The following BICD1 variants were observed in gnomAD, a reference collection of about 807,000 sequenced individuals.
BICD1 encodes the protein protein bicaudal D homolog 1.
In BICD1, 35 loss-of-function variants were observed where a neutral mutation model predicts 92.5. That is an observed-to-expected ratio of 0.38 (90% confidence interval 0.29 to 0.50). The LOEUF (loss-of-function observed/expected upper bound fraction) is 0.50, where lower values mean the gene tolerates loss of function less well. Among genes scored for constraint, BICD1 ranks in the 20% least tolerant of loss-of-function variants. The pLI, the probability that BICD1 is intolerant of heterozygous loss-of-function variation, is 0.93. For synonymous variants in BICD1, 429 were observed against 465.1 expected (o/e 0.92, Z 1.00); for missense variants, 950 against 1,189.8 (o/e 0.80, Z 2.97).
chr12:32,233,293 G>C (rs1277304503), intron 2 of BICD1, among the ~76,000 whole-genome samples: 1 of 132,922 alleles, frequency 7.5e-6, no homozygotes, highest in Non-Finnish European at 1.6e-5. Flanking sequence ...TTGCACTCCA[G>C]CCTGGATGAC....
At chr12:32,197,420 T>G (rs898115503) in intron 1 of BICD1, among the ~76,000 whole-genome samples, 1 of 152,220 alleles carries the variant, frequency 6.6e-6, no homozygotes, top group African/African-American at 2.4e-5. Context: ...TATTTGGGCC[T>G]GTGGAAGATA....
chr12:32,318,425 C>T (rs1390969450), intron 4 of BICD1, among the ~76,000 whole-genome samples: 1 of 152,092 alleles, frequency 6.6e-6, no homozygotes, highest in African/African-American at 2.4e-5. Context: ...AGAGGTCCTT[C>T]ACATCCCTTG....
intron 1 of BICD1, among the ~76,000 whole-genome samples, chr12:32,111,515 C>T (rs1412883851): frequency 6.6e-6 from 1 of 152,164 alleles, no homozygotes; most frequent in Admixed American, 6.5e-5. Flanking sequence ...ATTTCTTTTC[C>T]AATCTATGAA....
intron 2 of BICD1, among the ~76,000 whole-genome samples, chr12:32,239,188 A>G (rs1946162353): frequency 6.8e-6 from 1 of 147,162 alleles, no homozygotes; most frequent in Admixed American, 6.9e-5. Context: ...CGGAGGTTGC[A>G]GTGAGTCAAG....
chr12:32,302,179 C>A (rs190684515), intron 3 of BICD1, among the ~76,000 whole-genome samples: 13 of 152,324 alleles, frequency 8.5e-5, no homozygotes, highest in African/African-American at 3.1e-4. Context: ...AGCCACTGAG[C>A]CCAGCCCGAA....
At chr12:32,302,622 C>T (rs1206357877) in intron 3 of BICD1, among the ~76,000 whole-genome samples, 3 of 152,146 alleles carry the variant, frequency 2.0e-5, no homozygotes, top group African/African-American at 7.2e-5. Flanking sequence ...CAATTTTTCT[C>T]CCATGAAGTA....
intron 2 of BICD1, among the ~76,000 whole-genome samples, chr12:32,238,698 A>C (rs906506686): frequency 6.6e-6 from 1 of 151,952 alleles, no homozygotes; most frequent in Non-Finnish European, 1.5e-5. Context: ...TAATCCCAGC[A>C]CTTTGGGAGG....
chr12:32,376,851 C>T (rs1422979576), intron 9 of BICD1, among the ~76,000 whole-genome samples: 4 of 112,756 alleles, frequency 3.5e-5, no homozygotes, highest in South Asian at 6.2e-4. Context: ...CTGGGCAAAA[C>T]AACGAGACTC....
intron 8 of BICD1, among the ~76,000 whole-genome samples, chr12:32,344,326 G>A (rs1938489142): frequency 1.3e-5 from 2 of 152,168 alleles, no homozygotes; most frequent in Admixed American, 6.6e-5. Context: ...ACCTGGTGCA[G>A]GACTTCGAAG....
At chr12:32,323,670 A>G (rs1948708583) in intron 4 of BICD1, among the ~76,000 whole-genome samples, 1 of 152,222 alleles carries the variant, frequency 6.6e-6, no homozygotes, top group South Asian at 2.1e-4. Context: ...CAGAGCTACA[A>G]CTTAAAAGCC....
At chr12:32,348,772 A>ATATG (rs1938745814) in intron 8 of BICD1, among the ~76,000 whole-genome samples, 3 of 52,730 alleles carry the variant, frequency 5.7e-5, no homozygotes, top group African/African-American at 2.7e-4. Context: ...ATATATATAT[A>ATATG]TATATATCAG....
chr12:32,234,860 T>A (rs76997309), intron 2 of BICD1, among the ~76,000 whole-genome samples: 17,969 of 151,636 alleles, frequency 0.12, 1,693 homozygotes, highest in African/African-American at 0.26. Context: ...AATTTTTATA[T>A]TTTTTGTAGA....
At chr12:32,221,467 A>G (rs1283787896) in intron 2 of BICD1, among the ~76,000 whole-genome samples, 1 of 151,726 alleles carries the variant, frequency 6.6e-6, no homozygotes, top group Admixed American at 6.6e-5. Flanking sequence ...CTGGATCACA[A>G]GGTCGTGAGT....
intron 2 of BICD1, among the ~76,000 whole-genome samples, chr12:32,288,220 CTAA>C (rs1324593114): frequency 7.3e-6 from 1 of 136,160 alleles, no homozygotes. Flanking sequence ...CTACCAAGTC[CTAA>C]TTTTTTTTTT....
rs1242718491 is a variant in BICD1, at chr12:32,106,893, G to A, written c.-439G>A. ...CAGGGCCAGAGGGAGCAGGTGGAGC[G>A]AGAGAGCGAGCCGCGAGCCGGAGCG... On this transcript the variant is annotated 5_prime_UTR_variant, in exon 1 of 10. Coordinates refer to ENST00000652176, the MANE Select transcript of BICD1 (RefSeq NM_001714.4). 1 of 175,394 alleles carries A rather than the reference G, an allele frequency of 5.7e-6. No homozygotes were observed. The highest frequency in any genetic ancestry group is 5.9e-5 in the Admixed American group (1 of 17,074). The allele number at this position is 175,394 out of a possible 1,614,324, so 10.9% of individuals were successfully genotyped here.
At chr12:32,231,898 C>A (rs1451058045) in intron 2 of BICD1, among the ~76,000 whole-genome samples, 1 of 151,856 alleles carries the variant, frequency 6.6e-6, no homozygotes, top group Non-Finnish European at 1.5e-5. Context: ...TCATCCATGT[C>A]CCTACAAAGG....
chr12:32,209,523 T>C (rs146307912), intron 1 of BICD1, among the ~76,000 whole-genome samples: 202 of 152,316 alleles, frequency 1.3e-3, no homozygotes, highest in Non-Finnish European at 1.5e-3. Flanking sequence ...TTGGGGAGGA[T>C]AGGGTACCAT....
chr12:32,255,689 T>C (rs931352340), intron 2 of BICD1, among the ~76,000 whole-genome samples: 1 of 152,216 alleles, frequency 6.6e-6, no homozygotes, highest in Non-Finnish European at 1.5e-5. Flanking sequence ...TTAGGGCCTT[T>C]GCTCTGGCTG....
intron 1 of BICD1, among the ~76,000 whole-genome samples, chr12:32,206,245 T>G (rs142690825): frequency 6.6e-6 from 1 of 152,220 alleles, no homozygotes; most frequent in African/African-American, 2.4e-5. Flanking sequence ...GGTAGGAATA[T>G]GCATATAGTA....
Sources: gnomAD v4.1 joint callset for allele counts (sites outside exome capture counted in the v4.1 genomes callset) on GRCh38, gnomAD v4.1.1 for gene constraint, MANE v1.5 for transcripts, NCBI Gene and HGNC (gene_info 2026-07-23, HGNC 2026-07-21) for gene names.